The following KLHL1 variants were observed in gnomAD, a reference collection of about 807,000 sequenced individuals.
KLHL1 encodes kelch like family member 1.
KLHL1 carries 47 observed loss-of-function variants against 77.7 expected under a neutral mutation model. That is an observed-to-expected ratio of 0.60 (90% CI 0.48 to 0.77). The LOEUF (loss-of-function observed/expected upper bound fraction) is 0.77, where lower values mean the gene tolerates loss of function less well. KLHL1 is among the 30% of genes least tolerant of loss of function. KLHL1 has a pLI of 0.00. For synonymous variants in KLHL1, 360 were observed against 325.2 expected (o/e 1.11, Z -1.15); for missense variants, 925 against 910.8 (o/e 1.02, Z -0.20).
At chr13:69,840,959 T>C (rs1438295416) in intron 5 of KLHL1, among the ~76,000 whole-genome samples, 1 of 151,804 alleles carries the variant, frequency 6.6e-6, no homozygotes, top group Non-Finnish European at 1.5e-5. Context: ...ATAATTAACC[T>C]CTACAGTACT....
intron 5 of KLHL1, among the ~76,000 whole-genome samples, chr13:69,857,038 C>G (rs1358223240): frequency 6.6e-6 from 1 of 152,004 alleles, no homozygotes; most frequent in African/African-American, 2.4e-5. Flanking sequence ...CTCCAATGAA[C>G]AATAGTAAAT....
In KLHL1 at chr13:69,707,754, C is replaced by T; in HGVS notation, c.2058G>A (p.Leu686=). 1 of 1,612,748 alleles carries T rather than the reference C, an allele frequency of 6.2e-7. No individual in the cohort carries two copies. Among genetic ancestry groups the T allele is most frequent in the South Asian group, 1.1e-5 (1 of 91,036 alleles). Residue 686 remains leucine (L), a synonymous_variant, in exon 10 of 11, where the codon TTG becomes TTA. Coordinates refer to ENST00000377844, the MANE Select transcript of KLHL1 (RefSeq NM_020866.3). ...KTDTWTMVAP[L]SMPRDAVGVC... Reference sequence around the variant, plus strand: ...CCCCAACAGCATCTCTGGGCATACTCAAAGGAGCCACCATGGTCCAAGTGT... The same window carrying T: ...CCCCAACAGCATCTCTGGGCATACTTAAAGGAGCCACCATGGTCCAAGTGT...
intron 4 of KLHL1, among the ~76,000 whole-genome samples, chr13:69,910,657 C>CA (rs1472137161): frequency 6.6e-6 from 1 of 151,868 alleles, no homozygotes; most frequent in Admixed American, 6.6e-5. Context: ...CTTTATCAGA[C>CA]AAAAAATTCA....
intron 8 of KLHL1, among the ~76,000 whole-genome samples, chr13:69,736,790 T>A (rs1406563649): frequency 1.3e-5 from 2 of 152,106 alleles, no homozygotes; most frequent in Non-Finnish European, 1.5e-5. Context: ...ATCATTATTC[T>A]AAGAGAATTA....
At chr13:69,995,348 T>C (rs1467572509) in intron 1 of KLHL1, among the ~76,000 whole-genome samples, 3 of 152,052 alleles carry the variant, frequency 2.0e-5, no homozygotes, top group Admixed American at 2.0e-4. Context: ...TGTATGAAGG[T>C]ATCATGTATG....
rs556630329 is a variant in KLHL1 at position 69,726,404 on chromosome 13, A to G, written c.1803-6823T>C. 2.2e-4 allele frequency among the ~76,000 whole-genome samples: 33 copies of G among 152,140 alleles called. No individual in the cohort carries two copies. The South Asian group carries it at 6.8e-3, about 32-fold the overall frequency. ...AGCCTGTCAATCCTGCTGTCAGATT[A>G]CTCCTATATCTGCCTTTCCATGGGA... On this transcript the variant is annotated intron_variant, in intron 8 of 10. Transcript: ENST00000377844.
chr13:69,763,267 C>A (rs1422008452), intron 7 of KLHL1, among the ~76,000 whole-genome samples: 1 of 152,102 alleles, frequency 6.6e-6, no homozygotes, highest in Admixed American at 6.6e-5. Context: ...TCTTGCTGTA[C>A]ATGGATGACT....
At chr13:70,006,615 C>CTT (rs1434839945) in intron 1 of KLHL1, among the ~76,000 whole-genome samples, 2 of 150,486 alleles carry the variant, frequency 1.3e-5, no homozygotes, top group East Asian at 3.9e-4. Context: ...TGTTAAGTGG[C>CTT]TTTTGTTCAT....
At chr13:69,756,529 T>C (rs925718398) in intron 7 of KLHL1, among the ~76,000 whole-genome samples, 6 of 152,188 alleles carry the variant, frequency 3.9e-5, no homozygotes, top group Non-Finnish European at 8.8e-5. Context: ...AAACTTGCTG[T>C]ATATATAAAC....
intron 7 of KLHL1, among the ~76,000 whole-genome samples, chr13:69,750,552 A>G (rs1324396860): frequency 6.6e-6 from 1 of 151,856 alleles, no homozygotes; most frequent in Non-Finnish European, 1.5e-5. Context: ...AGTTTTCACA[A>G]AAATCACCCC....
chr13:69,927,943 T>C (rs964837777), intron 4 of KLHL1, among the ~76,000 whole-genome samples: 3 of 152,190 alleles, frequency 2.0e-5, no homozygotes, highest in Non-Finnish European at 2.9e-5. Flanking sequence ...TGAATGTTCA[T>C]AGCAGTCAAG....
intron 1 of KLHL1, among the ~76,000 whole-genome samples, chr13:69,995,459 A>G (rs950214316): frequency 6.6e-6 from 1 of 152,110 alleles, no homozygotes; most frequent in Non-Finnish European, 1.5e-5. Flanking sequence ...ATGTATTATT[A>G]TGCTCTCTCT....
rs192266452 is a variant in KLHL1 at position 69,907,407 on chromosome 13, G to C, written c.1015-24912C>G. On this transcript the variant is annotated intron_variant, in intron 4 of 10. Transcript: ENST00000377844. ...GAATCTTTCCTTTATTTACATGATA[G>C]TTGTGTGCTTAGAGAAATTCTTAAA... 2.0e-3 allele frequency among the ~76,000 whole-genome samples: 305 copies of C among 151,960 alleles called. 2 individuals are homozygous for C. Among genetic ancestry groups the C allele is most frequent in the African/African-American group, 7.1e-3 (296 of 41,484 alleles).
At chr13:70,024,352 G>A (rs1885877775) in intron 1 of KLHL1, among the ~76,000 whole-genome samples, 1 of 151,776 alleles carries the variant, frequency 6.6e-6, no homozygotes, top group Admixed American at 6.6e-5. Flanking sequence ...GTAAGACCTA[G>A]ATAGAAAGAT....
At chr13:70,042,667 C>T (rs895735497) in intron 1 of KLHL1, among the ~76,000 whole-genome samples, 17 of 152,222 alleles carry the variant, frequency 1.1e-4, no homozygotes, top group African/African-American at 3.9e-4. Flanking sequence ...GACTATGTCA[C>T]TATTTGATGT....
At chr13:70,031,115 CAAAA>C (rs10719197) in intron 1 of KLHL1, among the ~76,000 whole-genome samples, 5 of 68,442 alleles carry the variant, frequency 7.3e-5, no homozygotes, top group Non-Finnish European at 1.8e-4. Context: ...GCCTGCCAAC[CAAAA>C]AAAAACCCAG....
intron 9 of KLHL1, among the ~76,000 whole-genome samples, chr13:69,711,003 G>A (rs960035899): frequency 3.9e-5 from 6 of 151,906 alleles, no homozygotes; most frequent in African/African-American, 1.2e-4. Context: ...AAATGAAAAC[G>A]TGTTAAAGGC....
intron 7 of KLHL1, among the ~76,000 whole-genome samples, chr13:69,785,296 A>G (rs1876471269): frequency 6.6e-6 from 1 of 152,214 alleles, no homozygotes; most frequent in Admixed American, 6.5e-5. Flanking sequence ...AGAAATTATA[A>G]CGAACTGTCT....
chr13:69,753,183 T>C (rs756788019), intron 7 of KLHL1, among the ~76,000 whole-genome samples: 2 of 152,170 alleles, frequency 1.3e-5, no homozygotes, highest in Non-Finnish European at 2.9e-5. Flanking sequence ...GTGTTTACTG[T>C]AATAAGTCTT....
Sources: gnomAD v4.1 joint callset for allele counts (sites outside exome capture counted in the v4.1 genomes callset) on GRCh38, gnomAD v4.1.1 for gene constraint, MANE v1.5 for transcripts, NCBI Gene and HGNC (gene_info 2026-07-23, HGNC 2026-07-21) for gene names.